The following IL7R variants were observed in gnomAD, a reference collection of about 807,000 sequenced individuals.
The protein encoded by IL7R is interleukin-7 receptor subunit alpha.
Under a neutral mutation model 47.0 loss-of-function variants are expected in IL7R, and 38 were observed. That is an observed-to-expected ratio of 0.81 (90% CI 0.62 to 1.06). The LOEUF is 1.06. Among genes scored for constraint, IL7R ranks in the 50% least tolerant of loss-of-function variants. The pLI is 0.00. For missense variants in IL7R, 633 were observed against 534.8 expected (o/e 1.18, Z -1.81); for synonymous variants, 221 against 199.8 (o/e 1.11, Z -0.89).
chr5:35,861,314 A>G (rs1759809157), intron 2 of IL7R, among the ~76,000 whole-genome samples: 1 of 152,150 alleles, frequency 6.6e-6, no homozygotes, highest in Non-Finnish European at 1.5e-5. Flanking sequence ...TTTGCCCAAC[A>G]CGAGACAATC....
chr5:35,876,026 A>T lies in IL7R; in HGVS notation c.920A>T (p.Gln307Leu), dbSNP rs2149905202. 1 of 1,614,046 alleles carries T rather than the reference A, an allele frequency of 6.2e-7. No individual in the cohort carries two copies. Among genetic ancestry groups the T allele is most frequent in the South Asian group, 1.1e-5 (1 of 91,076 alleles). Reference protein sequence around the residue: ...SFNPESFLDCQIHRVDDIQAR... With the variant: ...SFNPESFLDCLIHRVDDIQAR... ...AATCCTGAAAGTTTCCTGGACTGCCAGATTCATAGGGTGGATGACATTCAA... is the reference window on the plus strand; with the variant it reads ...AATCCTGAAAGTTTCCTGGACTGCCTGATTCATAGGGTGGATGACATTCAA... The change falls in exon 8 of 8, where the codon CAG (glutamine) becomes CTG (leucine). Residue 307 changes from glutamine to leucine, a missense_variant. By Grantham distance (113) the Gln-to-Leu change is moderately radical. Transcript: ENST00000303115.
In IL7R at chr5:35,876,868, A is replaced by G. The variant is rs1760232444; in HGVS notation, c.*382A>G. ...ATGATAGTTGCCATTATTAGGATTT[A>G]ATATATATCCAGTGCTTTGCAAGTG... On this transcript the variant is annotated 3_prime_UTR_variant, in exon 8 of 8. Transcript: ENST00000303115. The G allele has an allele frequency of 2.8e-6, 1 of 354,392 alleles. No homozygotes were observed. 22.0% of individuals were successfully genotyped at this position (354,392 alleles called of 1,614,324 possible).
rs374923983 is a variant in IL7R, at chr5:35,869,041, T to C, written c.379+1578T>C. 2.6e-4 allele frequency among the ~76,000 whole-genome samples: 39 copies of C among 152,246 alleles called. No individual in the cohort carries two copies. In the East Asian group the frequency reaches 6.4e-3, roughly 25 times the overall value. ...CTCTTGGGGCTATGGCAAGCACCCC[T>C]GGACAAGCAGGAAGAGAGGTGGTGG... On this transcript the variant is annotated intron_variant, in intron 3 of 7. Transcript: ENST00000303115.
chr5:35,877,975 G>C lies in IL7R; in HGVS notation c.*1489G>C, dbSNP rs774913403. The C allele has an allele frequency of 6.4e-5, 15 of 233,124 alleles. No individual in the cohort carries two copies. The highest frequency in any genetic ancestry group is 1.3e-4 in the Non-Finnish European group (15 of 118,064). The allele number at this position is 233,124 out of a possible 1,614,324, so 14.4% of individuals were successfully genotyped here. On this transcript the variant is annotated 3_prime_UTR_variant, in exon 8 of 8. Transcript: ENST00000303115. ...TTCATGGTTTTGTTTGAGATTTGTT[G>C]CTACTGTTTTTCTGTTTTGAATTTT...
intron 3 of IL7R, among the ~76,000 whole-genome samples, chr5:35,870,655 C>G (rs1183231340): frequency 6.6e-6 from 1 of 152,202 alleles, no homozygotes; most frequent in Non-Finnish European, 1.5e-5. Context: ...TTCTCACTCA[C>G]ATCAGAGTCA....
intron 2 of IL7R, among the ~76,000 whole-genome samples, chr5:35,864,031 C>T (rs1759882223): frequency 6.6e-6 from 1 of 152,070 alleles, no homozygotes. Context: ...GCTTCATGTT[C>T]CTTTCCAGTC....
At chr5:35,874,565 G>C (rs112618568) in intron 6 of IL7R, 23 bp downstream of exon 6, 19 of 1,492,130 alleles carry the variant, frequency 1.3e-5, no homozygotes, top group African/African-American at 1.1e-4. Context: ...AACTAATAAA[G>C]AGGGTGATTG....
rs776941426 is a variant in IL7R at position 35,871,172 on chromosome 5, G to C, written c.496G>C (p.Asp166His). The change falls in exon 4 of 8, where the codon GAT becomes CAT. Residue 166 changes from aspartate to histidine, a missense_variant. Coordinates refer to ENST00000303115, the MANE Select transcript of IL7R (RefSeq NM_002185.5). ...QKKYVKVLMH[D>H]VAYRQEKDEN... is the part of the protein sequence containing the mutation. ...GAAGTATGTAAAAGTTTTAATGCAC[G>C]ATGTAGCTTACCGCCAGGAAAAGGA... The C allele has an allele frequency of 6.2e-7, 1 of 1,612,980 alleles. No homozygotes were observed. Among genetic ancestry groups the C allele is most frequent in the Non-Finnish European group, 8.5e-7 (1 of 1,179,012 alleles).
chr5:35,874,277 C>T (rs1032950719), intron 5 of IL7R, among the ~76,000 whole-genome samples, 172 bp from the exon 6 acceptor site: 1 of 152,168 alleles, frequency 6.6e-6, no homozygotes, highest in Non-Finnish European at 1.5e-5. Flanking sequence ...AAGTCAATGC[C>T]TTTTAAACCA....
At chr5:35,858,584 CATT>C (rs1372677044) in intron 1 of IL7R, among the ~76,000 whole-genome samples, 1 of 152,152 alleles carries the variant, frequency 6.6e-6, no homozygotes, top group African/African-American at 2.4e-5. Context: ...TAGATTAACT[CATT>C]ATTCAAAAGC....
chr5:35,870,142 T>C (rs562844266), intron 3 of IL7R, among the ~76,000 whole-genome samples: 1 of 152,330 alleles, frequency 6.6e-6, no homozygotes, highest in African/African-American at 2.4e-5. Context: ...CTTCCCAGGC[T>C]GTGACCAACA....
intron 2 of IL7R, among the ~76,000 whole-genome samples, chr5:35,867,008 T>G (rs1239588819): frequency 6.6e-6 from 1 of 152,184 alleles, no homozygotes; most frequent in African/African-American, 2.4e-5. Context: ...AAAGTATTTG[T>G]TTTTCAGTGA....
At chr5:35,874,574 T>C in intron 6 of IL7R, 32 bp downstream of exon 6, 1 of 1,432,990 alleles carries the variant, frequency 7.0e-7, no homozygotes, top group Non-Finnish European at 9.9e-7. Flanking sequence ...AGAGGGTGAT[T>C]GTGTGGGATC....
At chr5:35,875,673 C>T (rs1760189038) in intron 7 of IL7R, 86 bp downstream of exon 7, 1 of 1,060,220 alleles carries the variant, frequency 9.4e-7, no homozygotes, top group Non-Finnish European at 1.5e-6. Context: ...AACAGTTGAA[C>T]CTCACCTTTT....
chr5:35,874,509 T>C lies in IL7R; in HGVS notation c.767T>C (p.Leu256Ser), dbSNP rs1561424987. ...SILSFFSVALLVILACVLWKK... is the reference protein window; with the variant it reads ...SILSFFSVALSVILACVLWKK... ...TTGAGTTTTTTCTCTGTCGCTCTGTTGGTCATCTTGGCCTGTGTGTTATGG... is the reference window on the plus strand; with the variant it reads ...TTGAGTTTTTTCTCTGTCGCTCTGTCGGTCATCTTGGCCTGTGTGTTATGG... Residue 256 changes from leucine to serine, a missense_variant, in exon 6 of 8, where the codon TTG becomes TCG. Leu to Ser is a moderately radical substitution (Grantham distance 145, BLOSUM62 -2). Transcript: ENST00000303115. 6.2e-7 allele frequency: 1 copy of C among 1,613,608 alleles called. No homozygotes were observed. The highest frequency in any genetic ancestry group is 1.1e-5 in the South Asian group (1 of 91,070).
intron 1 of IL7R, among the ~76,000 whole-genome samples, chr5:35,860,217 A>AT (rs534093263): frequency 2.0e-4 from 31 of 152,112 alleles, no homozygotes; most frequent in African/African-American, 5.8e-4. Flanking sequence ...GCCAGATCTA[A>AT]TTTTTTTTCC....
Position 35,876,112 on chromosome 5 carries a change from G to T in IL7R, c.1006G>T (p.Glu336Ter). Residue 336 changes from glutamate (E) to a stop codon, truncating the protein, a stop_gained, in exon 8 of 8, where the codon GAG (glutamate) becomes TAG (stop). Coordinates refer to ENST00000303115, the MANE Select transcript of IL7R (RefSeq NM_002185.5). LOFTEE classifies it high-confidence loss of function. ...GTTTCCTCAGCAACTAGAAGAATCT[G>T]AGAAGCAGAGGCTTGGAGGGGATGT... The part of the protein sequence containing the change: ...DTFPQQLEES[E>*]KQRLGGDVQS... 2 of 1,614,220 alleles carry T rather than the reference G, an allele frequency of 1.2e-6. No homozygotes were observed. Among genetic ancestry groups the T allele is most frequent in the Non-Finnish European group, 8.5e-7 (1 of 1,180,034 alleles).
chr5:35,863,631 T>C (rs1759875169), intron 2 of IL7R, among the ~76,000 whole-genome samples: 1 of 152,150 alleles, frequency 6.6e-6, no homozygotes, highest in Non-Finnish European at 1.5e-5. Context: ...AGAGGAACTT[T>C]TCTTCTGCCC....
At position 35,867,406 on chromosome 5, in the gene IL7R, T is replaced by C; in HGVS notation, c.322T>C (p.Cys108Arg). The change falls in exon 3 of 8, where the codon TGT becomes CGT. Residue 108 changes from cysteine (C) to arginine (R), a missense_variant. Physicochemically the swap from Cys to Arg is radical, Grantham distance 180. Transcript: ENST00000303115. ...CTTACTGATTGGAAAGAGCAATATA[T>C]GTGTGAAGGTTGGAGAAAAGAGTCT... ...KFLLIGKSNI[C>R]VKVGEKSLTC... 2 of 1,613,220 alleles carry C rather than the reference T, an allele frequency of 1.2e-6. No homozygotes were observed. Among genetic ancestry groups the C allele is most frequent in the Non-Finnish European group, 8.5e-7 (1 of 1,179,354 alleles).
Sources: allele counts gnomAD v4.1 joint callset (sites outside exome capture counted in the v4.1 genomes callset), GRCh38; gene constraint gnomAD v4.1.1; transcripts MANE v1.5; gene names NCBI Gene and HGNC (gene_info 2026-07-23, HGNC 2026-07-21).